CDH17: variants seen among roughly 807,000 people sequenced by gnomAD.
CDH17 encodes cadherin-17.
CDH17 carries 67 observed loss-of-function variants against 86.3 expected under a neutral mutation model. That is an observed-to-expected ratio of 0.78 (90% CI 0.64 to 0.95). CDH17 has a LOEUF of 0.95. Among genes scored for constraint, CDH17 ranks in the 40% least tolerant of loss-of-function variants. CDH17 has a pLI of 0.00. For synonymous variants in CDH17, 367 were observed against 366.4 expected (o/e 1.00, Z -0.02); for missense variants, 993 against 1,017.6 (o/e 0.98, Z 0.33).
chr8:94,163,233 C>T (rs556897971), intron 10 of CDH17, among the ~76,000 whole-genome samples: 76 of 152,210 alleles, frequency 5.0e-4, no homozygotes, highest in African/African-American at 1.6e-3. Flanking sequence ...GTAACCTAAC[C>T]AGGGTCACAC....
upstream of CDH17, among the ~76,000 whole-genome samples, chr8:94,211,698 G>A (rs1475690604): frequency 6.6e-6 from 1 of 152,160 alleles, no homozygotes; most frequent in Non-Finnish European, 1.5e-5. Context: ...TGTTCTTTAT[G>A]TGTTACATAC....
chr8:94,167,464 G>A (rs1343731794), intron 9 of CDH17, among the ~76,000 whole-genome samples: 1 of 152,160 alleles, frequency 6.6e-6, no homozygotes, highest in Admixed American at 6.5e-5. Flanking sequence ...GGTTGGGGGA[G>A]GAAAAAGAAA....
At chr8:94,209,566 C>T (rs1042703227), upstream of CDH17, among the ~76,000 whole-genome samples, 2 of 152,144 alleles carry the variant, frequency 1.3e-5, no homozygotes, top group African/African-American at 4.8e-5. Flanking sequence ...TGGGAATAGA[C>T]CTCATTTATC....
rs368207788 is a variant in CDH17 at position 94,216,563 on chromosome 8, G to GTT, written c.-21+633_-21+634dup. ...AAAAAGGGAGGGCTCCAGAGGGTTT[G>GTT]TTTTTTTTTTTTTTTTAATTCTCAG... On this transcript the variant is annotated intron_variant, in intron 1 of 17. Transcript: ENST00000450165. Among the ~76,000 whole-genome samples, 1,030 of 141,992 alleles carry GTT rather than the reference G, an allele frequency of 7.3e-3. 6 individuals carry two copies. Among genetic ancestry groups the GTT allele is most frequent in the African/African-American group, 0.013 (520 of 38,718 alleles). 93.2% of individuals were successfully genotyped at this position (141,992 alleles called of 152,430 possible).
chr8:94,193,295 A>T (rs1813721796), intron 2 of CDH17, among the ~76,000 whole-genome samples: 1 of 152,230 alleles, frequency 6.6e-6, no homozygotes, highest in Admixed American at 6.5e-5. Context: ...TCAGTGCTGA[A>T]TCTGCAAAGA....
chr8:94,200,752 A>G (rs1488029278), intron 1 of CDH17, among the ~76,000 whole-genome samples: 1 of 151,410 alleles, frequency 6.6e-6, no homozygotes, highest in Non-Finnish European at 1.5e-5. Flanking sequence ...ACCACACAAC[A>G]GAAGACATGG....
chr8:94,183,315 T>A (rs1326923007), intron 3 of CDH17, among the ~76,000 whole-genome samples: 2 of 152,088 alleles, frequency 1.3e-5, no homozygotes, highest in Non-Finnish European at 2.9e-5. Context: ...GTAGGAAGAC[T>A]TAACGTTCTC....
rs1459385182 is a variant in CDH17 at position 94,146,178 on chromosome 8, G to T, written c.1928-11C>A. ...TCAAGGAAGACCCCCCTAAGGAATTGAATGATTGAAACATGGGATCAGTTC... is the reference window on the plus strand; with the variant it reads ...TCAAGGAAGACCCCCCTAAGGAATTTAATGATTGAAACATGGGATCAGTTC... On this transcript the variant is annotated splice_polypyrimidine_tract_variant and intron_variant, in intron 14 of 17. Transcript: ENST00000027335. 1.4e-6 allele frequency: 2 copies of T among 1,480,396 alleles called. No individual in the cohort carries two copies. Among genetic ancestry groups the T allele is most frequent in the Non-Finnish European group, 1.8e-6 (2 of 1,114,826 alleles). The allele number at this position is 1,480,396 out of a possible 1,614,324, so 91.7% of individuals were successfully genotyped here. A position where few individuals can be genotyped will look rare whatever the true frequency, so the allele number is the denominator to read the frequency against.
chr8:94,176,452 A>G, intron 5 of CDH17, 89 bp downstream of exon 5: 1 of 1,379,288 alleles, frequency 7.3e-7, no homozygotes, highest in Non-Finnish European at 1.0e-6. Context: ...TTATTGAGTG[A>G]CAGCTGCAGC....
chr8:94,169,840 C>T (rs953681317), intron 9 of CDH17, among the ~76,000 whole-genome samples: 3 of 151,958 alleles, frequency 2.0e-5, no homozygotes, highest in African/African-American at 7.3e-5. Flanking sequence ...CAAGACAAAG[C>T]AAAAATGATA....
intron 2 of CDH17, among the ~76,000 whole-genome samples, chr8:94,193,915 T>C (rs1321577147): frequency 6.6e-6 from 1 of 150,846 alleles, no homozygotes; most frequent in Non-Finnish European, 1.5e-5. Flanking sequence ...ATTTGAGGTA[T>C]GAGGATCTAG....
intron 10 of CDH17, among the ~76,000 whole-genome samples, chr8:94,164,402 G>T (rs932031721): frequency 6.6e-6 from 1 of 152,164 alleles, no homozygotes; most frequent in Non-Finnish European, 1.5e-5. Context: ...ACCTTGCATG[G>T]TGCCTCAAAT....
intron 12 of CDH17, among the ~76,000 whole-genome samples, chr8:94,155,720 G>A (rs142520885): frequency 0.011 from 1,729 of 152,310 alleles, 19 homozygotes; most frequent in Non-Finnish European, 0.02. Flanking sequence ...AAGGTCAGAT[G>A]TGTGTCTTAG....
chr8:94,134,099 T>C (rs1812473713), intron 15 of CDH17, among the ~76,000 whole-genome samples: 1 of 152,228 alleles, frequency 6.6e-6, no homozygotes, highest in African/African-American at 2.4e-5. Context: ...TCATCAAGGA[T>C]ACTGGTCTAA....
chr8:94,210,255 G>A (rs78476248), upstream of CDH17, among the ~76,000 whole-genome samples: 101 of 57,248 alleles, frequency 1.8e-3, no homozygotes, highest in Non-Finnish European at 2.1e-3. Context: ...AAAAAAAAAA[G>A]TCCAAGGGCA....
intron 9 of CDH17, among the ~76,000 whole-genome samples, chr8:94,166,315 G>C (rs1813155803): frequency 6.6e-6 from 1 of 152,170 alleles, no homozygotes; most frequent in Non-Finnish European, 1.5e-5. Flanking sequence ...TCCTTCCGGT[G>C]CCTTCACAGC....
At chr8:94,130,007 G>A (rs1001908569) in intron 17 of CDH17, among the ~76,000 whole-genome samples, 2 of 152,122 alleles carry the variant, frequency 1.3e-5, no homozygotes, top group Non-Finnish European at 2.9e-5. Flanking sequence ...TTTTGGGTAA[G>A]GAAACACTTG....
upstream of CDH17, among the ~76,000 whole-genome samples, chr8:94,209,946 C>CAAAAAAAAA (rs1814094394): frequency 7.3e-5 from 11 of 151,144 alleles, no homozygotes; most frequent in Admixed American, 3.3e-4. Flanking sequence ...AAATAAAGTG[C>CAAAAAAAAA]ATATGTATCA....
At chr8:94,172,234 C>G (rs945692633) in intron 7 of CDH17, among the ~76,000 whole-genome samples, 2 of 151,886 alleles carry the variant, frequency 1.3e-5, no homozygotes, top group Non-Finnish European at 2.9e-5. Flanking sequence ...TTAGTCTAGG[C>G]CCCCAATCAG....
Sources: gnomAD v4.1 joint callset for allele counts (sites outside exome capture counted in the v4.1 genomes callset) on GRCh38, gnomAD v4.1.1 for gene constraint, MANE v1.5 for transcripts, NCBI Gene and HGNC (gene_info 2026-07-23, HGNC 2026-07-21) for gene names.